SIN3B: variants seen among roughly 807,000 people sequenced by gnomAD.
SIN3B encodes the protein paired amphipathic helix protein Sin3b.
Under a neutral mutation model 120.2 loss-of-function variants are expected in SIN3B, and 19 were observed. That is an observed-to-expected ratio of 0.16 (90% confidence interval 0.11 to 0.23). The LOEUF is 0.23. Among genes scored for constraint, SIN3B ranks in the 10% least tolerant of loss-of-function variants. The pLI, the probability that SIN3B is intolerant of heterozygous loss-of-function variation, is 1.00. For missense variants in SIN3B, 1,073 were observed against 1,573.0 expected (o/e 0.68, Z 5.38); for synonymous variants, 654 against 653.2 (o/e 1.00, Z -0.02).
intron 13 of SIN3B, 42 bp downstream of exon 13, chr19:16,870,117 G>T: frequency 6.7e-7 from 1 of 1,502,380 alleles, no homozygotes; most frequent in East Asian, 2.4e-5. Flanking sequence ...GGGGGTGCCT[G>T]GGGTTAGGGG....
Position 16,871,255 on chromosome 19 carries a change from C to T in SIN3B, c.2449C>T (p.Pro817Ser). ...PSEVELEEYY[P>S]AFLDMVRSLL... ...TGAAGTGGAGCTGGAGGAGTACTAC[C>T]CGGCCTTCCTGGACATGGTGCGGAG... The change falls in exon 14 of 19, where the codon CCG becomes TCG. Residue 817 changes from proline (P) to serine (S), a missense_variant. Transcript: ENST00000248054. 6.2e-7 allele frequency: 1 copy of T among 1,614,202 alleles called. No homozygotes were observed. Among genetic ancestry groups the T allele is most frequent in the Non-Finnish European group, 8.5e-7 (1 of 1,180,026 alleles).
rs3184577 is a variant in SIN3B at position 16,879,535 on chromosome 19, C to G, written c.*808C>G. On this transcript the variant is annotated 3_prime_UTR_variant, in exon 19 of 19. Transcript: ENST00000248054. ...GGCACCCTAGGCGTATGTGTATACA[C>G]GCACAGATATTTATTCCTTTCGCTT... is the stretch of plus-strand genomic sequence containing the variant. 1 of 152,202 alleles carries G rather than the reference C, an allele frequency of 6.6e-6. No individual in the cohort carries two copies. Among genetic ancestry groups the G allele is most frequent in the African/African-American group, 2.4e-5 (1 of 41,448 alleles). 9.4% of individuals were successfully genotyped at this position (152,202 alleles called of 1,614,324 possible). A position where few individuals can be genotyped will look rare whatever the true frequency, so the allele number is the denominator to read the frequency against.
intron 14 of SIN3B, among the ~76,000 whole-genome samples, chr19:16,875,329 CTGGTCTGGTT>C (rs1212983833): frequency 8.8e-6 from 1 of 113,104 alleles, no homozygotes; most frequent in Non-Finnish European, 1.7e-5. Context: ...TGGTTTGGGT[CTGGTCTGGTT>C]TGGTCTGGTC....
chr19:16,855,069 T>C (rs1240796927), intron 8 of SIN3B: 2 of 152,162 alleles, frequency 1.3e-5, no homozygotes, highest in Non-Finnish European at 2.9e-5. Flanking sequence ...TGATGTTGAG[T>C]GAGGACTTAC....
At chr19:16,865,340 G>A (rs1473286521) in intron 10 of SIN3B, 70 bp from the exon 11 acceptor site, 20 of 1,017,588 alleles carry the variant, frequency 2.0e-5, no homozygotes, top group Non-Finnish European at 2.8e-5. Flanking sequence ...GGTCTCTGAG[G>A]TCCCAGGCTC....
intron 5 of SIN3B, among the ~76,000 whole-genome samples, chr19:16,848,608 C>T (rs1423499956): frequency 6.6e-6 from 1 of 152,066 alleles, no homozygotes; most frequent in Admixed American, 6.6e-5. Flanking sequence ...CTCAGGTGAT[C>T]CTCCCACCTC....
intron 8 of SIN3B, 110 bp downstream of exon 8, chr19:16,854,371 C>T: frequency 1.4e-6 from 1 of 692,520 alleles, no homozygotes; most frequent in Non-Finnish European, 2.5e-6. Flanking sequence ...TTCTAAAATC[C>T]TGTTTATTAA....
chr19:16,875,739 G>T (rs1340588010), intron 14 of SIN3B, among the ~76,000 whole-genome samples: 1 of 147,138 alleles, frequency 6.8e-6, no homozygotes, highest in African/African-American at 2.5e-5. Flanking sequence ...GGTCTGGTCG[G>T]TTTGGTCTGG....
chr19:16,870,151 C>G (rs963060127), intron 13 of SIN3B, 76 bp downstream of exon 13: 8 of 1,338,574 alleles, frequency 6.0e-6, no homozygotes, highest in Non-Finnish European at 6.0e-6. Flanking sequence ...TCTGACATGT[C>G]CTGTTACTTT....
chr19:16,829,714 C>T (rs1971254620), intron 1 of SIN3B, 77 bp from the exon 2 acceptor site: 2 of 1,424,746 alleles, frequency 1.4e-6, no homozygotes, highest in Admixed American at 1.8e-5. Context: ...AGCCCATCCC[C>T]TTCCCCTCAG....
chr19:16,849,956 C>CAA (rs145144544), intron 5 of SIN3B, among the ~76,000 whole-genome samples: 4 of 59,234 alleles, frequency 6.8e-5, no homozygotes, highest in African/African-American at 6.2e-5. Context: ...ACCTCCGTCT[C>CAA]AAAAAAAAAA....
At chr19:16,835,440 G>A (rs929965548) in intron 3 of SIN3B, among the ~76,000 whole-genome samples, 12 of 151,332 alleles carry the variant, frequency 7.9e-5, no homozygotes, top group African/African-American at 2.9e-4. Flanking sequence ...TGTTGGTCAG[G>A]CTGGTTTCGA....
intron 1 of SIN3B, 96 bp downstream of exon 1, chr19:16,829,636 T>G (rs1205958601): frequency 3.2e-6 from 2 of 622,944 alleles, no homozygotes; most frequent in East Asian, 2.9e-4. Flanking sequence ...CAGCCCCACC[T>G]CGGCCTCCCC....
At chr19:16,854,743 G>C (rs1296832226) in intron 8 of SIN3B, 1 of 153,100 alleles carries the variant, frequency 6.5e-6, no homozygotes, top group African/African-American at 2.4e-5. Flanking sequence ...GTCCTGTCCA[G>C]GGTGGGTGCC....
intron 8 of SIN3B, 167 bp downstream of exon 8, chr19:16,854,428 CA>C: frequency 1.7e-6 from 1 of 574,662 alleles, no homozygotes. Flanking sequence ...TTGTAAGGAG[CA>C]ATACACCACC....
In SIN3B at chr19:16,864,263, C is replaced by T. The variant is rs189152338; in HGVS notation, c.1383+467C>T. The stretch of plus-strand genomic sequence containing the variant: ...GAGCCGAGATCACACCACTGCACTC[C>T]ACCCTGGACAACAGAATGAGACCCT... On this transcript the variant is annotated intron_variant, in intron 10 of 18. Coordinates refer to ENST00000248054, the MANE Select transcript of SIN3B (RefSeq NM_001297595.2). Among the ~76,000 whole-genome samples the T allele has an allele frequency of 2.3e-3, 344 of 152,312 alleles. 3 individuals are homozygous for T. Among genetic ancestry groups the T allele is most frequent in the Non-Finnish European group, 4.3e-3 (294 of 68,032 alleles).
chr19:16,839,959 A>G (rs1971396483), intron 3 of SIN3B, among the ~76,000 whole-genome samples: 1 of 152,114 alleles, frequency 6.6e-6, no homozygotes, highest in Non-Finnish European at 1.5e-5. Flanking sequence ...AGCCGGGATC[A>G]TACCACTGCA....
At position 16,857,581 on chromosome 19, in the gene SIN3B, T is replaced by C. The variant is rs142871515; in HGVS notation, c.1058+3320T>C. On this transcript the variant is annotated intron_variant, in intron 8 of 18. Coordinates refer to ENST00000248054, the MANE Select transcript of SIN3B (RefSeq NM_001297595.2). ...TATATACACATAAACATTTTTCTAA[T>C]GTAAAATAAAGCACAGATCCAAGAA... Among the ~76,000 whole-genome samples the C allele has an allele frequency of 2.8e-4, 39 of 138,866 alleles. 1 individual carries two copies. In the East Asian group the frequency reaches 8.8e-3, roughly 31 times the overall value. 91.1% of individuals were successfully genotyped at this position (138,866 alleles called of 152,430 possible).
chr19:16,878,111 G>A, intron 17 of SIN3B, 72 bp from the exon 18 acceptor site: 6 of 1,318,374 alleles, frequency 4.6e-6, no homozygotes, highest in Admixed American at 2.4e-5. Context: ...AGGCCTGGGG[G>A]TTTCCCAGCC....
Sources: allele counts gnomAD v4.1 joint callset (sites outside exome capture counted in the v4.1 genomes callset), GRCh38; gene constraint gnomAD v4.1.1; transcripts MANE v1.5; gene names NCBI Gene and HGNC (gene_info 2026-07-23, HGNC 2026-07-21).